Variants in WDR26 observed in about 807,000 individuals in gnomAD.
The protein encoded by WDR26 is WD repeat domain 26, also known as WD repeat-containing protein 26.
WDR26 carries 5 observed loss-of-function variants against 84.1 expected under a neutral mutation model. The observed-to-expected ratio is 0.06, with a 90% CI of 0.03 to 0.13. WDR26 has a LOEUF of 0.13. Ranked by LOEUF, WDR26 falls within the 10% of genes least tolerant of loss-of-function variation. The pLI is 1.00. For synonymous variants in WDR26, 415 were observed against 389.6 expected (o/e 1.07, Z -0.77); for missense variants, 642 against 974.9 (o/e 0.66, Z 4.55).
chr1:224,395,776 C>G (rs1245692658), intron 12 of WDR26, among the ~76,000 whole-genome samples: 2 of 152,060 alleles, frequency 1.3e-5, no homozygotes, highest in African/African-American at 4.8e-5. Flanking sequence ...TGGTGAAAGG[C>G]AGGAAAAACC....
intron 3 of WDR26, among the ~76,000 whole-genome samples, chr1:224,426,878 C>CGA (rs897951842): frequency 1.3e-5 from 2 of 150,792 alleles, no homozygotes; most frequent in African/African-American, 4.9e-5. Context: ...GGGTGGATCA[C>CGA]GAGGTCAGCA....
chr1:224,407,729 G>T (rs1157172446), intron 7 of WDR26, among the ~76,000 whole-genome samples: 1 of 151,894 alleles, frequency 6.6e-6, no homozygotes, highest in Non-Finnish European at 1.5e-5. Context: ...AGGTTGGCTT[G>T]AACTTCTGAC....
rs543897126 is a variant in WDR26, at chr1:224,416,370, G to A, written c.1319+1890C>T. On this transcript the variant is annotated intron_variant, in intron 6 of 13. Coordinates refer to ENST00000414423, the MANE Select transcript of WDR26 (RefSeq NM_001379403.1). ...AGCCTCCCGAGTAGCTGGGACTACAGGCGCCTGCCACCACGCCCGGCTAAT... is the reference window on the plus strand; with the variant it reads ...AGCCTCCCGAGTAGCTGGGACTACAAGCGCCTGCCACCACGCCCGGCTAAT... Among the ~76,000 whole-genome samples, 17 of 152,208 alleles carry A rather than the reference G, an allele frequency of 1.1e-4. No individual in the cohort carries two copies. In the East Asian group the frequency reaches 2.3e-3, roughly 21 times the overall value.
At chr1:224,406,031 C>A (rs574988179) in intron 7 of WDR26, among the ~76,000 whole-genome samples, 1 of 152,048 alleles carries the variant, frequency 6.6e-6, no homozygotes, top group Non-Finnish European at 1.5e-5. Context: ...GAGGCCCTAA[C>A]GTAAGATGTT....
chr1:224,411,369 G>A (rs1432785494), intron 7 of WDR26, 58 bp downstream of exon 7: 4 of 1,514,982 alleles, frequency 2.6e-6, no homozygotes, highest in Non-Finnish European at 3.5e-6. Flanking sequence ...TGTAATCAAT[G>A]AATTAGATTC....
At chr1:224,391,763 G>C (rs568213961) in intron 13 of WDR26, among the ~76,000 whole-genome samples, 2 of 152,046 alleles carry the variant, frequency 1.3e-5, no homozygotes, top group Admixed American at 1.3e-4. Context: ...TTCTAAATAG[G>C]TATTACTTTA....
chr1:224,407,172 A>ATAT (rs1491214480), intron 7 of WDR26, among the ~76,000 whole-genome samples: 2 of 111,982 alleles, frequency 1.8e-5, no homozygotes, highest in African/African-American at 3.7e-5. Flanking sequence ...ATATATATAT[A>ATAT]ACTCAAAAAC....
chr1:224,399,548 T>C (rs930369091), intron 9 of WDR26, among the ~76,000 whole-genome samples: 1 of 152,212 alleles, frequency 6.6e-6, no homozygotes, highest in African/African-American at 2.4e-5. Context: ...CATTATCTCA[T>C]TGAATATCCA....
intron 8 of WDR26, among the ~76,000 whole-genome samples, chr1:224,403,710 G>A (rs951669099): frequency 6.6e-6 from 1 of 152,216 alleles, no homozygotes; most frequent in Admixed American, 6.5e-5. Context: ...GCCGAGGCAG[G>A]CGGATCACTT....
At position 224,396,127 on chromosome 1, in the gene WDR26, A is replaced by C. The variant is rs73125520; in HGVS notation, c.2074+1970T>G. On this transcript the variant is annotated intron_variant, in intron 12 of 13. Coordinates refer to ENST00000414423, the MANE Select transcript of WDR26 (RefSeq NM_001379403.1). ...AACATTTTCAAAACCATTCTAAATC[A>C]CTTGAGTCATGAGAAGACTAATCTC... Among the ~76,000 whole-genome samples, 1,442 of 152,342 alleles carry C rather than the reference A, an allele frequency of 9.5e-3. 25 individuals are homozygous for C. Among genetic ancestry groups the C allele is most frequent in the African/African-American group, 0.032 (1,348 of 41,562 alleles).
At position 224,389,612 on chromosome 1, in the gene WDR26, T is replaced by A. The variant is rs1472078819; in HGVS notation, c.*223A>T. ...TCTTCACAACCGATGGGGGAATAAT[T>A]CAACATGGTGTCCAACAACGTTCTA... On this transcript the variant is annotated 3_prime_UTR_variant, in exon 14 of 14. Transcript: ENST00000414423. 8.3e-6 allele frequency: 5 copies of A among 599,824 alleles called. No individual in the cohort carries two copies. Among genetic ancestry groups the A allele is most frequent in the Non-Finnish European group, 1.5e-5 (5 of 343,770 alleles). 37.2% of individuals were successfully genotyped at this position (599,824 alleles called of 1,614,324 possible).
rs770131471 is a variant in WDR26 at position 224,404,424 on chromosome 1, G to A, written c.1599+6C>T. 3.7e-6 allele frequency: 6 copies of A among 1,611,254 alleles called. No homozygotes were observed. Among genetic ancestry groups the A allele is most frequent in the Admixed American group, 3.4e-5 (2 of 59,446 alleles). ...AAAAGCTCAACCAAAGATGGAACTC[G>A]CTCACTTGTACATTCCAAAGCCAAA... On this transcript the variant is annotated splice_donor_region_variant and intron_variant, in intron 8 of 13. Transcript: ENST00000414423.
At chr1:224,418,174 T>C (rs978978072) in intron 6 of WDR26, 86 bp downstream of exon 6, 21 of 1,149,888 alleles carry the variant, frequency 1.8e-5, no homozygotes, top group African/African-American at 1.1e-4. Context: ...AACTGTTATA[T>C]AGCTACAGGA....
At chr1:224,419,886 A>ATG (rs869293721) in intron 4 of WDR26, among the ~76,000 whole-genome samples, 2 of 92,712 alleles carry the variant, frequency 2.2e-5, no homozygotes, top group African/African-American at 3.8e-5. Flanking sequence ...TGCAGGTTCT[A>ATG]GCACTCAACA....
At chr1:224,419,661 T>A in intron 4 of WDR26, 46 bp from the exon 5 acceptor site, 1 of 1,429,724 alleles carries the variant, frequency 7.0e-7, no homozygotes, top group South Asian at 1.1e-5. Context: ...CCCATTTCTT[T>A]GTAATAAATG....
intron 6 of WDR26, among the ~76,000 whole-genome samples, chr1:224,417,600 G>GA (rs1434044637): frequency 3.3e-5 from 5 of 152,194 alleles, no homozygotes; most frequent in Non-Finnish European, 5.9e-5. Context: ...TAGCTACTCA[G>GA]AAGGCTGAGG....
intron 13 of WDR26, among the ~76,000 whole-genome samples, chr1:224,392,320 C>T (rs1458762818): frequency 1.3e-5 from 2 of 151,302 alleles, no homozygotes; most frequent in Non-Finnish European, 2.9e-5. Flanking sequence ...GAGATCGCAC[C>T]ACTGTACACT....
At chr1:224,413,844 CTGT>C (rs1375142159) in intron 6 of WDR26, among the ~76,000 whole-genome samples, 3 of 152,164 alleles carry the variant, frequency 2.0e-5, no homozygotes, top group African/African-American at 4.8e-5. Flanking sequence ...GAGTCTCGCT[CTGT>C]TGTTCAGGAT....
At chr1:224,408,022 TAACACC>T (rs1444389767) in intron 7 of WDR26, among the ~76,000 whole-genome samples, 2 of 152,192 alleles carry the variant, frequency 1.3e-5, no homozygotes, top group Non-Finnish European at 2.9e-5. Context: ...CCTTTACATG[TAACACC>T]TATTAATTCT....
Sources: allele counts gnomAD v4.1 joint callset (sites outside exome capture counted in the v4.1 genomes callset), GRCh38; gene constraint gnomAD v4.1.1; transcripts MANE v1.5; gene names NCBI Gene and HGNC (gene_info 2026-07-23, HGNC 2026-07-21).